SEMA3D: variants seen among roughly 807,000 people sequenced by gnomAD.
SEMA3D encodes semaphorin 3D.
Under a neutral mutation model 100.1 loss-of-function variants are expected in SEMA3D, and 84 were observed. That is an observed-to-expected ratio of 0.84 (90% CI 0.70 to 1.01). The LOEUF (loss-of-function observed/expected upper bound fraction) is 1.01. Ranked by LOEUF, SEMA3D falls within the 50% of genes least tolerant of loss-of-function variation. SEMA3D has a pLI of 0.00. For missense variants in SEMA3D, 875 were observed against 934.1 expected, an observed-to-expected ratio of 0.94 and a Z score of 0.82; for synonymous variants, 312 against 320.7, an observed-to-expected ratio of 0.97 and a Z score of 0.29.
chr7:85,089,388 T>C (rs1364334530), intron 4 of SEMA3D, among the ~76,000 whole-genome samples: 2 of 152,132 alleles, frequency 1.3e-5, no homozygotes, highest in African/African-American at 2.4e-5. Context: ...TAATAACCAA[T>C]CTGAAGTAGT....
At chr7:85,096,998 G>A (rs111334392) in intron 4 of SEMA3D, among the ~76,000 whole-genome samples, 1,550 of 151,832 alleles carry the variant, frequency 0.01, 27 homozygotes, top group African/African-American at 0.035. Context: ...AAAGACAATA[G>A]AAGATGTTTC....
At chr7:85,022,334 CTT>C in intron 13 of SEMA3D, 55 bp downstream of exon 13, 11 of 1,183,838 alleles carry the variant, frequency 9.3e-6, no homozygotes, top group Non-Finnish European at 1.4e-5. Context: ...TTGTTCTTCT[CTT>C]TGTCTAATAA....
intron 3 of SEMA3D, among the ~76,000 whole-genome samples, chr7:85,099,353 C>T (rs889212541): frequency 6.6e-6 from 1 of 151,884 alleles, no homozygotes; most frequent in African/African-American, 2.4e-5. Flanking sequence ...TTTCACTTGG[C>T]TCTCATTCTC....
intron 9 of SEMA3D, among the ~76,000 whole-genome samples, chr7:85,052,626 C>T (rs1416034931): frequency 6.6e-6 from 1 of 151,928 alleles, no homozygotes; most frequent in Non-Finnish European, 1.5e-5. Context: ...TGTTTTTGGG[C>T]TTCACCAAAT....
rs1225694177 is a variant in SEMA3D at position 85,043,279 on chromosome 7, A to G, written c.862-994T>C. On this transcript the variant is annotated intron_variant, in intron 9 of 18. Coordinates refer to ENST00000284136, the MANE Select transcript of SEMA3D (RefSeq NM_001384900.1). ...GAGGCTGAAGGAGGAAGATCACTTA[A>G]GCCCAGGGGGTTGAGGCTGCAGTGA... 2.0e-5 allele frequency among the ~76,000 whole-genome samples: 3 copies of G among 152,096 alleles called. No individual in the cohort carries two copies. In the East Asian group the frequency reaches 5.8e-4, roughly 29 times the overall value.
chr7:85,104,282 A>T (rs757685314), intron 3 of SEMA3D, among the ~76,000 whole-genome samples: 2 of 152,034 alleles, frequency 1.3e-5, no homozygotes, highest in Non-Finnish European at 2.9e-5. Context: ...CCACAACAAA[A>T]ATGAAAATAT....
chr7:85,145,248 T>G (rs1310380915), intron 2 of SEMA3D, among the ~76,000 whole-genome samples: 2 of 149,518 alleles, frequency 1.3e-5, no homozygotes, highest in Non-Finnish European at 3.0e-5. Flanking sequence ...AAAAAAAAAA[T>G]GCGTGAATGA....
In SEMA3D at chr7:85,100,903, T is replaced by A. The variant is rs551247106; in HGVS notation, c.152-2938A>T. 1.1e-4 allele frequency among the ~76,000 whole-genome samples: 17 copies of A among 152,062 alleles called. No individual in the cohort carries two copies. In the East Asian group the frequency reaches 2.1e-3, roughly 19 times the overall value. ...CGTGACTTTACTGAACATAAATGTC[T>A]TACTAACATTTATGGATCATGCTTT... On this transcript the variant is annotated intron_variant, in intron 3 of 18. Transcript: ENST00000284136.
chr7:85,059,329 T>C (rs1791411135), intron 8 of SEMA3D, among the ~76,000 whole-genome samples: 1 of 152,192 alleles, frequency 6.6e-6, no homozygotes, highest in Non-Finnish European at 1.5e-5. Context: ...GGGGAATTAA[T>C]AATAAATTCT....
intron 17 of SEMA3D, 104 bp from the exon 18 acceptor site, chr7:85,007,045 C>CAT: frequency 2.7e-6 from 2 of 752,852 alleles, no homozygotes; most frequent in Admixed American, 5.8e-5. Context: ...GAATCATATA[C>CAT]ATTATTAAAG....
chr7:84,997,063 A>T lies in SEMA3D; in HGVS notation c.*2377T>A, dbSNP rs187841304. On this transcript the variant is annotated 3_prime_UTR_variant, in exon 19 of 19. Transcript: ENST00000284136. ...TATTTTTAATATATTTTAACTAATT[A>T]TCATAAATCAAGAGTATTGTATCCA... The T allele has an allele frequency of 2.6e-3, 392 of 151,930 alleles. 1 individual carries two copies. Among genetic ancestry groups the T allele is most frequent in the African/African-American group, 8.9e-3 (371 of 41,540 alleles). The allele number at this position is 151,930 out of a possible 1,614,324, so 9.4% of individuals were successfully genotyped here.
intron 9 of SEMA3D, among the ~76,000 whole-genome samples, chr7:85,051,452 A>C (rs73377855): frequency 0.042 from 6,342 of 151,894 alleles, 458 homozygotes; most frequent in African/African-American, 0.15. Context: ...CAGTTTTCCC[A>C]CTCAGCAATG....
intron 1 of SEMA3D, among the ~76,000 whole-genome samples, chr7:85,156,190 C>A (rs1420758018): frequency 6.6e-6 from 1 of 151,404 alleles, no homozygotes; most frequent in Non-Finnish European, 1.5e-5. Flanking sequence ...GCAACCTCCA[C>A]CTCCTGGGTT....
intron 11 of SEMA3D, among the ~76,000 whole-genome samples, chr7:85,039,311 G>A (rs1790788961): frequency 6.6e-6 from 1 of 152,092 alleles, no homozygotes; most frequent in Admixed American, 6.6e-5. Flanking sequence ...TTGTTGCCGG[G>A]GCTGGAGTGC....
chr7:85,109,962 A>G (rs555186842), intron 3 of SEMA3D, among the ~76,000 whole-genome samples: 2 of 152,094 alleles, frequency 1.3e-5, no homozygotes, highest in African/African-American at 4.8e-5. Flanking sequence ...ATTTTATCCC[A>G]ATAAAAATTG....
intron 2 of SEMA3D, among the ~76,000 whole-genome samples, chr7:85,123,309 C>G (rs1252464790): frequency 1.3e-5 from 2 of 151,814 alleles, no homozygotes; most frequent in African/African-American, 4.8e-5. Context: ...GCCACAGGAC[C>G]AATAATTTAT....
In SEMA3D at chr7:85,097,841, T is replaced by C. The variant is rs561234345; in HGVS notation, c.276A>G (p.Leu92=). ...TTTTGTTTAAGTCAACCAGACTGAG[T>C]AGAAAGATGTGGTCTTTGGCTCCCA... ...LLLGAKDHIF[L]LSLVDLNKNF... The change falls in exon 4 of 19, where the codon CTA becomes CTG. Residue 92 remains leucine, a synonymous_variant. Transcript: ENST00000284136. The C allele has an allele frequency of 2.5e-6, 4 of 1,607,520 alleles. No individual in the cohort carries two copies. In the African/African-American group the frequency reaches 5.4e-5, roughly 22 times the overall value.
At chr7:85,123,669 T>G (rs1263755082) in intron 2 of SEMA3D, among the ~76,000 whole-genome samples, 1 of 152,096 alleles carries the variant, frequency 6.6e-6, no homozygotes. Context: ...CATGAAATGT[T>G]AAACATGAGT....
the SEMA3D span, among the ~76,000 whole-genome samples, chr7:85,226,189 A>C: frequency 1.3e-5 from 2 of 152,150 alleles, no homozygotes; most frequent in Non-Finnish European, 2.9e-5. Context: ...AGTCTTTACC[A>C]GCTTGAATTT....
Sources: allele counts gnomAD v4.1 joint callset (sites outside exome capture counted in the v4.1 genomes callset), GRCh38; gene constraint gnomAD v4.1.1; transcripts MANE v1.5; gene names NCBI Gene and HGNC (gene_info 2026-07-23, HGNC 2026-07-21).